Variants in HLTF observed in about 807,000 individuals in gnomAD.
HLTF encodes the protein helicase like transcription factor, also known as DNA-dependent ATPase/E3 ubiquitin-protein ligase HLTF.
A neutral mutation model predicts 129.4 loss-of-function variants in HLTF; 127 were observed. The ratio of observed to expected loss-of-function variants is 0.98; its 90% CI spans 0.85 to 1.14. The LOEUF (loss-of-function observed/expected upper bound fraction) is 1.14, where lower values mean the gene tolerates loss of function less well. Among genes scored for constraint, HLTF ranks in the 50% most tolerant of loss-of-function variants. The pLI is 0.00. For synonymous variants in HLTF, 332 were observed against 388.8 expected (o/e 0.85, Z 1.72); for missense variants, 1,139 against 1,187.1 (o/e 0.96, Z 0.60).
chr3:149,058,591 CTT>C, intron 13 of HLTF, among the ~76,000 whole-genome samples: 1 of 152,062 alleles, frequency 6.6e-6, no homozygotes, highest in East Asian at 1.9e-4. Flanking sequence ...TCATTTTTTA[CTT>C]TGTTTATGGC....
At chr3:149,047,942 G>T in intron 17 of HLTF, 86 bp downstream of exon 17, 1 of 1,140,302 alleles carries the variant, frequency 8.8e-7, no homozygotes, top group Non-Finnish European at 1.2e-6. Context: ...TAAGAGTCAA[G>T]TTAAAATAGT....
At chr3:149,062,656 TTAATA>T (rs1213178121) in intron 10 of HLTF, among the ~76,000 whole-genome samples, 10 of 152,356 alleles carry the variant, frequency 6.6e-5, no homozygotes, top group South Asian at 2.1e-4. Context: ...CTAGTCTATG[TTAATA>T]TAATACTGTC....
Position 149,039,122 on chromosome 3 carries a change from A to G in HLTF, c.2723T>C (p.Met908Thr). 1 of 1,612,902 alleles carries G rather than the reference A, an allele frequency of 6.2e-7. No individual in the cohort carries two copies. The highest frequency in any genetic ancestry group is 1.3e-5 in the African/African-American group (1 of 74,976). Residue 908 changes from methionine (M) to threonine (T), a missense_variant, in exon 23 of 25, where the codon ATG becomes ACG. By Grantham distance (81) the Met-to-Thr change is moderately conservative. Transcript: ENST00000310053. Reference sequence around the variant, plus strand: ...TCCACCTGCTTTTAAGGACAGAAGCATTATAGTTGGAGATCCTGCTTCAGT... The same window carrying G: ...TCCACCTGCTTTTAAGGACAGAAGCGTTATAGTTGGAGATCCTGCTTCAGT... ...QNTEAGSPTI[M>T]LLSLKAGGVG...
chr3:149,056,568 TG>T (rs1313310572), intron 13 of HLTF, among the ~76,000 whole-genome samples: 2 of 152,196 alleles, frequency 1.3e-5, no homozygotes, highest in Non-Finnish European at 2.9e-5. Flanking sequence ...CCTTATCCAC[TG>T]GGGGTATGTT....
intron 4 of HLTF, among the ~76,000 whole-genome samples, chr3:149,073,761 A>G (rs768686416): frequency 3.3e-5 from 5 of 152,244 alleles, no homozygotes; most frequent in Non-Finnish European, 2.9e-5. Context: ...CTTGTATTTT[A>G]GAGGTATTTT....
At chr3:149,068,474 T>C (rs1718587365) in intron 7 of HLTF, 139 bp from the exon 8 acceptor site, 2 of 439,270 alleles carry the variant, frequency 4.6e-6, no homozygotes, top group Admixed American at 4.0e-5. Context: ...TAATGAAAAA[T>C]GAGTATTTCA....
chr3:149,033,179 A>G (rs1715280252), intron 24 of HLTF, among the ~76,000 whole-genome samples: 1 of 152,092 alleles, frequency 6.6e-6, no homozygotes, highest in Admixed American at 6.5e-5. Context: ...CAAGTCAAGA[A>G]TGGTCACTAT....
intron 4 of HLTF, 93 bp downstream of exon 4, chr3:149,074,121 CA>C: frequency 2.3e-6 from 3 of 1,283,640 alleles, no homozygotes; most frequent in Non-Finnish European, 3.1e-6. Context: ...GCCTTGAGCA[CA>C]AATTAGCCAA....
At chr3:149,086,207 A>C in intron 1 of HLTF, 110 bp downstream of exon 1, 1 of 1,140,704 alleles carries the variant, frequency 8.8e-7, no homozygotes, top group Non-Finnish European at 1.3e-6. Context: ...GAACGAATAC[A>C]GCTGCACAAA....
chr3:149,073,220 C>T lies in HLTF; in HGVS notation c.627+5G>A. On this transcript the variant is annotated splice_donor_5th_base_variant and intron_variant, in intron 5 of 24. Coordinates refer to ENST00000310053, the MANE Select transcript of HLTF (RefSeq NM_003071.4). ...TTTAGATTACAAAATAAAAGAGAAG[C>T]ACACCTGTTCAGTTGTCATCTGTAC... is the stretch of plus-strand genomic sequence containing the variant. The T allele has an allele frequency of 6.4e-7, 1 of 1,559,752 alleles. No homozygotes were observed. The highest frequency in any genetic ancestry group is 1.2e-5 in the South Asian group (1 of 81,654).
chr3:149,070,414 G>A (rs1718748749), intron 7 of HLTF, among the ~76,000 whole-genome samples: 1 of 152,124 alleles, frequency 6.6e-6, no homozygotes, highest in African/African-American at 2.4e-5. Flanking sequence ...TAATGTTTTG[G>A]CATAGTTATT....
At position 149,050,241 on chromosome 3, in the gene HLTF, A is replaced by G. The variant is rs1391189308; in HGVS notation, c.1608T>C (p.His536=). The G allele has an allele frequency of 6.3e-7, 1 of 1,578,372 alleles. No individual in the cohort carries two copies. The highest frequency in any genetic ancestry group is 1.4e-5 in the African/African-American group (1 of 73,860). ...IVLTTYNILT[H]DYGTKGDSPL... ...TATCAACAATACTTACTCCATAGTCATGAGTTAAAATATTATACGTAGTCA... is the reference window on the plus strand; with the variant it reads ...TATCAACAATACTTACTCCATAGTCGTGAGTTAAAATATTATACGTAGTCA... Residue 536 remains histidine (H), a synonymous_variant, in exon 15 of 25, where the codon CAT becomes CAC. Coordinates refer to ENST00000310053, the MANE Select transcript of HLTF (RefSeq NM_003071.4).
At chr3:149,077,247 A>AAAATAAATAAATAAAT (rs201554369) in intron 2 of HLTF, among the ~76,000 whole-genome samples, 4 of 144,088 alleles carry the variant, frequency 2.8e-5, no homozygotes, top group African/African-American at 7.9e-5. Flanking sequence ...ACTTCATCTC[A>AAAATAAATAAATAAAT]AAATAAATAA....
At chr3:149,050,085 A>C (rs1383024195) in intron 15 of HLTF, 147 bp downstream of exon 15, 3 of 438,380 alleles carry the variant, frequency 6.8e-6, no homozygotes, top group African/African-American at 6.2e-5. Flanking sequence ...AAGTCAAAAA[A>C]AAAAACCATT....
In HLTF at chr3:149,032,179, T is replaced by G; in HGVS notation, c.*41A>C. ...TCTGTATTTTTCTCATTTCTAAAAC[T>G]TAAGTATCCAATCAAACTGACCTTA... On this transcript the variant is annotated 3_prime_UTR_variant, in exon 25 of 25. Coordinates refer to ENST00000310053, the MANE Select transcript of HLTF (RefSeq NM_003071.4). 1.4e-6 allele frequency: 2 copies of G among 1,424,980 alleles called. No individual in the cohort carries two copies. Among genetic ancestry groups the G allele is most frequent in the Non-Finnish European group, 1.9e-6 (2 of 1,060,060 alleles). The allele number at this position is 1,424,980 out of a possible 1,614,324, so 88.3% of individuals were successfully genotyped here. A position where few individuals can be genotyped will look rare whatever the true frequency, so the allele number is the denominator to read the frequency against.
chr3:149,060,747 C>A, intron 11 of HLTF, 32 bp downstream of exon 11: 2 of 1,602,500 alleles, frequency 1.2e-6, no homozygotes, highest in Non-Finnish European at 1.7e-6. Flanking sequence ...GAATATAGGA[C>A]ACATTATCAA....
chr3:149,055,462 G>C (rs1717355792), intron 13 of HLTF, 62 bp from the exon 14 acceptor site: 1 of 1,066,174 alleles, frequency 9.4e-7, no homozygotes. Context: ...ATGTCAATAA[G>C]GAGATGGCAA....
intron 23 of HLTF, among the ~76,000 whole-genome samples, chr3:149,037,036 T>G (rs1224185665): frequency 6.6e-6 from 1 of 152,214 alleles, no homozygotes; most frequent in Non-Finnish European, 1.5e-5. Context: ...AAATTTGGGA[T>G]TTGTTCTAAA....
At chr3:149,056,653 A>G (rs968247739) in intron 13 of HLTF, among the ~76,000 whole-genome samples, 2 of 152,216 alleles carry the variant, frequency 1.3e-5, no homozygotes, top group Non-Finnish European at 2.9e-5. Flanking sequence ...CCCTATATAT[A>G]CCTACAATAA....
Sources: gnomAD v4.1 joint callset for allele counts (sites outside exome capture counted in the v4.1 genomes callset) on GRCh38, gnomAD v4.1.1 for gene constraint, MANE v1.5 for transcripts, NCBI Gene and HGNC (gene_info 2026-07-23, HGNC 2026-07-21) for gene names.